Variants in MYO3A observed in about 807,000 individuals in gnomAD.
The protein encoded by MYO3A is myosin-IIIa.
MYO3A carries 180 observed loss-of-function variants against 192.7 expected under a neutral mutation model. That is an observed-to-expected ratio of 0.93 (90% CI 0.83 to 1.06). MYO3A has a LOEUF of 1.06. MYO3A is among the 50% of genes least tolerant of loss of function. MYO3A has a pLI of 0.00. For synonymous variants in MYO3A, 628 were observed against 645.3 expected (o/e 0.97, Z 0.41); for missense variants, 1,896 against 1,905.0 (o/e 1.00, Z 0.09).
chr10:26,049,294 G>C (rs1843826346), intron 10 of MYO3A, among the ~76,000 whole-genome samples: 1 of 152,116 alleles, frequency 6.6e-6, no homozygotes, highest in Non-Finnish European at 1.5e-5. Flanking sequence ...TCAGTTGAAG[G>C]GTATTAACCA....
intron 6 of MYO3A, among the ~76,000 whole-genome samples, chr10:26,016,038 G>T (rs7917203): frequency 1.3e-5 from 2 of 151,922 alleles, no homozygotes; most frequent in African/African-American, 2.4e-5. Context: ...AAGGTGAAGG[G>T]TAGGAGCTCT....
At chr10:25,973,667 T>C (rs1838798764) in intron 4 of MYO3A, among the ~76,000 whole-genome samples, 1 of 152,156 alleles carries the variant, frequency 6.6e-6, no homozygotes, top group South Asian at 2.1e-4. Context: ...ATATCTAGTT[T>C]ATAGAGAGTT....
At position 26,123,811 on chromosome 10, in the gene MYO3A, A is replaced by T. The variant is rs566187672; in HGVS notation, c.1904-1587A>T. Among the ~76,000 whole-genome samples the T allele has an allele frequency of 2.3e-4, 35 of 152,228 alleles. No homozygotes were observed. In the South Asian group the frequency reaches 7.3e-3, roughly 32 times the overall value. Reference sequence around the variant, plus strand: ...CGTGGTGGCGGGCACCTGTAGTCCCACCTACTTGGTAGGCTGAGGCAGGAG... The same window carrying T: ...CGTGGTGGCGGGCACCTGTAGTCCCTCCTACTTGGTAGGCTGAGGCAGGAG... On this transcript the variant is annotated intron_variant, in intron 18 of 34. Coordinates refer to ENST00000642920, the MANE Select transcript of MYO3A (RefSeq NM_017433.5).
chr10:26,068,885 G>T lies in MYO3A; in HGVS notation c.1170+1G>T. 2.0e-6 allele frequency: 3 copies of T among 1,528,242 alleles called. No individual in the cohort carries two copies. The highest frequency in any genetic ancestry group is 2.7e-6 in the Non-Finnish European group (3 of 1,102,312). 94.7% of individuals were successfully genotyped at this position (1,528,242 alleles called of 1,614,324 possible). ...GAGTCTGGGTCTTTACTCCACAAAG[G>T]TATGTCGTATGGGGTGCATTCTGTT... is the stretch of plus-strand genomic sequence containing the variant. On this transcript the variant is annotated splice_donor_variant, in intron 12 of 34. Coordinates refer to ENST00000642920, the MANE Select transcript of MYO3A (RefSeq NM_017433.5). LOFTEE classifies it high-confidence loss of function.
intron 10 of MYO3A, among the ~76,000 whole-genome samples, chr10:26,050,277 T>G (rs1843911400): frequency 6.6e-6 from 1 of 152,200 alleles, no homozygotes; most frequent in Admixed American, 6.5e-5. Context: ...ATTATTTTTA[T>G]ACTTGGAAAA....
chr10:26,125,270 TTTACA>T (rs1839145972), intron 18 of MYO3A, 123 bp from the exon 19 acceptor site: 1 of 878,584 alleles, frequency 1.1e-6, no homozygotes. Context: ...GTATCATATT[TTTACA>T]TTACATAATC....
At chr10:26,069,375 A>G (rs759408453) in intron 12 of MYO3A, among the ~76,000 whole-genome samples, 7 of 152,136 alleles carry the variant, frequency 4.6e-5, no homozygotes, top group Non-Finnish European at 1.0e-4. Context: ...GAATATGAAT[A>G]TATAATTATC....
chr10:26,136,344 G>A (rs1229368639), intron 20 of MYO3A, among the ~76,000 whole-genome samples: 1 of 152,208 alleles, frequency 6.6e-6, no homozygotes, highest in African/African-American at 2.4e-5. Flanking sequence ...CAACTGTGGA[G>A]CAGTGTCAAA....
At chr10:26,095,542 G>T (rs1836965658) in intron 15 of MYO3A, among the ~76,000 whole-genome samples, 1 of 152,192 alleles carries the variant, frequency 6.6e-6, no homozygotes, top group Admixed American at 6.5e-5. Flanking sequence ...TTCATCCTCT[G>T]CTGTTTCAGC....
At chr10:26,140,916 G>A (rs1840123845) in intron 20 of MYO3A, among the ~76,000 whole-genome samples, 1 of 151,894 alleles carries the variant, frequency 6.6e-6, no homozygotes, top group Non-Finnish European at 1.5e-5. Flanking sequence ...ATGTATATGT[G>A]TTTGTTTGTT....
At chr10:26,145,651 T>A in intron 22 of MYO3A, 117 bp downstream of exon 22, 1 of 857,348 alleles carries the variant, frequency 1.2e-6, no homozygotes, top group Non-Finnish European at 1.9e-6. Context: ...CATAGCTGTC[T>A]GTTTCCGCCC....
At chr10:25,995,552 G>A (rs1453855038) in intron 4 of MYO3A, among the ~76,000 whole-genome samples, 1 of 152,212 alleles carries the variant, frequency 6.6e-6, no homozygotes, top group African/African-American at 2.4e-5. Context: ...GTGAGGAGCT[G>A]CGTTCCTTTG....
In MYO3A at chr10:25,990,635, A is replaced by G. The variant is rs929214792; in HGVS notation, c.304-5855A>G. Among the ~76,000 whole-genome samples the G allele has an allele frequency of 1.5e-4, 23 of 150,120 alleles. 2 individuals carry two copies. The South Asian group carries it at 4.7e-3, about 31-fold the overall frequency. Reference sequence around the variant, plus strand: ...CATTAACTCGTCATTTACATTAGGTATATCTCCTAAGGCTACCCCTCCCCC... The same window carrying G: ...CATTAACTCGTCATTTACATTAGGTGTATCTCCTAAGGCTACCCCTCCCCC... On this transcript the variant is annotated intron_variant, in intron 4 of 34. Transcript: ENST00000642920.
chr10:26,145,780 G>A (rs1264045719), intron 22 of MYO3A, among the ~76,000 whole-genome samples: 1 of 152,160 alleles, frequency 6.6e-6, no homozygotes, highest in African/African-American at 2.4e-5. Context: ...TGCTGAAGAG[G>A]TTAAAAGAAA....
chr10:25,952,117 C>T lies in MYO3A; in HGVS notation c.7C>T (p.Pro3Ser), dbSNP rs761469181. 1.2e-6 allele frequency: 2 copies of T among 1,609,990 alleles called. No individual in the cohort carries two copies. Among genetic ancestry groups the T allele is most frequent in the Admixed American group, 3.3e-5 (2 of 59,828 alleles). The change falls in exon 3 of 35, where the codon CCA becomes TCA. Residue 3 changes from proline to serine, a missense_variant. Physicochemically the swap from Pro to Ser is moderately conservative, Grantham distance 74 (BLOSUM62 -1). Transcript: ENST00000642920. ...AGGTTTTTAAACCTTTGAGATGTTT[C>T]CATTAATTGGAAAAACAATCATCTT... MF[P>S]LIGKTIIFDN...
intron 17 of MYO3A, among the ~76,000 whole-genome samples, 197 bp from the exon 18 acceptor site, chr10:26,120,479 A>G (rs528671678): frequency 6.3e-4 from 96 of 152,296 alleles, no homozygotes; most frequent in Admixed American, 1.7e-3. Context: ...ATTTTAAGTA[A>G]CAGGCACTAT....
intron 10 of MYO3A, among the ~76,000 whole-genome samples, chr10:26,049,673 C>CTTTTTT (rs66467075): frequency 7.2e-4 from 50 of 69,100 alleles, no homozygotes; most frequent in African/African-American, 1.7e-3. Context: ...TTCTTTCTTT[C>CTTTTTT]TTTTTTTTTT....
At position 26,201,286 on chromosome 10, in the gene MYO3A, C is replaced by G. The variant is rs727504688; in HGVS notation, c.4567C>G (p.Arg1523Gly). 4.4e-5 allele frequency: 69 copies of G among 1,578,922 alleles called. 1 individual carries two copies. In the African/African-American group the frequency reaches 8.2e-4, roughly 19 times the overall value. The change falls in exon 33 of 35, where the codon CGA becomes GGA. Residue 1523 changes from arginine (R) to glycine (G), a missense_variant. Arg to Gly is a moderately radical substitution (Grantham distance 125). Coordinates refer to ENST00000642920, the MANE Select transcript of MYO3A (RefSeq NM_017433.5). ...LLHKSIQEEK[R>G]RPRKDSQGKL... ...TTAGAAGTCAATCCAAGAAGAAAAA[C>G]GAAGACCAAGGAAAGACAGGTAATT...
chr10:26,015,304 A>G (rs1166868933), intron 6 of MYO3A, among the ~76,000 whole-genome samples: 1 of 151,986 alleles, frequency 6.6e-6, no homozygotes, highest in African/African-American at 2.4e-5. Context: ...CTCTCTTGAG[A>G]TGATTATGTA....
Sources: gnomAD v4.1 joint callset for allele counts (sites outside exome capture counted in the v4.1 genomes callset) on GRCh38, gnomAD v4.1.1 for gene constraint, MANE v1.5 for transcripts, NCBI Gene and HGNC (gene_info 2026-07-23, HGNC 2026-07-21) for gene names.